Variants in CTNNA2 observed in about 807,000 individuals in gnomAD.
CTNNA2 encodes the protein catenin alpha-2.
In CTNNA2, 42 loss-of-function variants were observed where a neutral mutation model predicts 101.0. That is an observed-to-expected ratio of 0.42 (90% confidence interval 0.32 to 0.54). The LOEUF is 0.54. CTNNA2 is among the 20% of genes least tolerant of loss of function. The probability of loss-of-function intolerance (pLI) is 0.14; values close to 1 mark genes in which losing one functional copy is unlikely to be tolerated. For missense variants in CTNNA2, 871 were observed against 1,223.1 expected (o/e 0.71, Z 4.29); for synonymous variants, 450 against 456.4 (o/e 0.99, Z 0.18).
chr2:80,331,369 A>G (rs904242024), intron 7 of CTNNA2, among the ~76,000 whole-genome samples: 3 of 152,172 alleles, frequency 2.0e-5, no homozygotes, highest in Admixed American at 2.0e-4. Context: ...AATACTCTCC[A>G]ATTCAGCCTG....
intron 3 of CTNNA2, among the ~76,000 whole-genome samples, chr2:79,344,922 G>C (rs1039657774): frequency 2.0e-5 from 3 of 147,266 alleles, no homozygotes; most frequent in East Asian, 2.0e-4. Context: ...TGAGAATTAA[G>C]AAAGATAGTG....
chr2:79,856,874 C>T (rs1020025852), intron 3 of CTNNA2, among the ~76,000 whole-genome samples: 1 of 152,196 alleles, frequency 6.6e-6, no homozygotes, highest in African/African-American at 2.4e-5. Flanking sequence ...CAGACTAAAA[C>T]TGCATTTACC....
intron 2 of CTNNA2, among the ~76,000 whole-genome samples, chr2:79,209,141 C>T (rs1182917923): frequency 6.6e-6 from 1 of 152,076 alleles, no homozygotes; most frequent in Non-Finnish European, 1.5e-5. Flanking sequence ...CATAGCTAAA[C>T]CCCATCTCTA....
intron 3 of CTNNA2, among the ~76,000 whole-genome samples, chr2:79,752,796 G>C (rs1219853957): frequency 6.6e-6 from 1 of 152,126 alleles, no homozygotes; most frequent in African/African-American, 2.4e-5. Context: ...AATTACAACT[G>C]TTTGCCTGCT....
intron 7 of CTNNA2, among the ~76,000 whole-genome samples, chr2:80,390,745 C>G (rs1252347821): frequency 6.6e-6 from 1 of 152,182 alleles, no homozygotes; most frequent in Non-Finnish European, 1.5e-5. Context: ...ATTCACCCTA[C>G]CCTAATCCTA....
intron 7 of CTNNA2, among the ~76,000 whole-genome samples, chr2:79,967,776 C>T (rs927234123): frequency 5.3e-5 from 8 of 152,162 alleles, no homozygotes; most frequent in Non-Finnish European, 1.0e-4. Flanking sequence ...CACACATATT[C>T]ATCACAGTGT....
chr2:79,928,697 G>A (rs975500577), intron 7 of CTNNA2, among the ~76,000 whole-genome samples: 1 of 152,156 alleles, frequency 6.6e-6, no homozygotes, highest in Non-Finnish European at 1.5e-5. Flanking sequence ...GATGATAGAG[G>A]TGGATCATCC....
At chr2:79,272,319 A>G (rs576481992) in intron 2 of CTNNA2, among the ~76,000 whole-genome samples, 98 of 152,146 alleles carry the variant, frequency 6.4e-4, no homozygotes, top group Middle Eastern at 3.4e-3. Context: ...TTCCCTGTTT[A>G]TGTGCCCATA....
At chr2:80,058,940 T>C (rs1697399758) in intron 7 of CTNNA2, among the ~76,000 whole-genome samples, 1 of 152,208 alleles carries the variant, frequency 6.6e-6, no homozygotes, top group African/African-American at 2.4e-5. Flanking sequence ...ACATGATATC[T>C]GCAAAGGATT....
chr2:79,918,609 C>T (rs1686426806), intron 7 of CTNNA2, among the ~76,000 whole-genome samples: 1 of 152,182 alleles, frequency 6.6e-6, no homozygotes, highest in Admixed American at 6.5e-5. Flanking sequence ...ACCACAAGCC[C>T]ATAATCACTC....
At chr2:79,950,603 C>T (rs993922347) in intron 7 of CTNNA2, among the ~76,000 whole-genome samples, 1 of 152,160 alleles carries the variant, frequency 6.6e-6, no homozygotes, top group African/African-American at 2.4e-5. Context: ...ACATATTATA[C>T]CCTTCGATTT....
At chr2:79,959,509 C>T (rs13033171) in intron 7 of CTNNA2, among the ~76,000 whole-genome samples, 48,416 of 151,940 alleles carry the variant, frequency 0.32, 8,805 homozygotes, top group Non-Finnish European at 0.4. Context: ...GTTTGTCTTA[C>T]GCCACTCTTA....
chr2:79,712,072 C>A (rs1004243527), intron 2 of CTNNA2, among the ~76,000 whole-genome samples: 4 of 152,146 alleles, frequency 2.6e-5, no homozygotes, highest in African/African-American at 9.7e-5. Context: ...CTGACAATAA[C>A]TGCATTTATT....
intron 12 of CTNNA2, among the ~76,000 whole-genome samples, chr2:80,564,232 T>A (rs1020065881): frequency 6.6e-6 from 1 of 152,208 alleles, no homozygotes; most frequent in Non-Finnish European, 1.5e-5. Flanking sequence ...CAAATTAGAC[T>A]GTATTTATTA....
At chr2:79,751,630 AATATG>A (rs1297967629) in intron 3 of CTNNA2, among the ~76,000 whole-genome samples, 4 of 151,220 alleles carry the variant, frequency 2.6e-5, no homozygotes, top group Non-Finnish European at 5.9e-5. Context: ...GAAAGAAGGA[AATATG>A]ATAAGATGAT....
chr2:79,348,171 AC>A (rs1677305913), intron 3 of CTNNA2, among the ~76,000 whole-genome samples: 1 of 152,170 alleles, frequency 6.6e-6, no homozygotes, highest in Middle Eastern at 3.2e-3. Context: ...TCCTATGAAA[AC>A]AGTACTCTAT....
intron 9 of CTNNA2, among the ~76,000 whole-genome samples, chr2:80,456,872 A>G (rs765874545): frequency 4.6e-5 from 7 of 152,184 alleles, no homozygotes; most frequent in African/African-American, 7.2e-5. Flanking sequence ...GTTGGTTAAC[A>G]GGTACAAAAA....
intron 9 of CTNNA2, among the ~76,000 whole-genome samples, chr2:80,434,417 G>C (rs1180779059): frequency 6.6e-6 from 1 of 151,124 alleles, no homozygotes; most frequent in East Asian, 1.9e-4. Context: ...TGATGATCAT[G>C]ACTTCGAAGG....
chr2:79,634,574 C>T (rs748682256), intron 1 of CTNNA2: 5 of 152,070 alleles, frequency 3.3e-5, no homozygotes, highest in Admixed American at 2.6e-4. Flanking sequence ...GAGAATGAGC[C>T]GAACAATTAA....
Sources: gnomAD v4.1 joint callset for allele counts (sites outside exome capture counted in the v4.1 genomes callset) on GRCh38, gnomAD v4.1.1 for gene constraint, MANE v1.5 for transcripts, NCBI Gene and HGNC (gene_info 2026-07-23, HGNC 2026-07-21) for gene names.